The following DNAH9 variants were observed in gnomAD, a reference collection of about 807,000 sequenced individuals.
DNAH9 encodes the protein DNAH9 variant protein.
A neutral mutation model predicts 471.6 loss-of-function variants in DNAH9; 345 were observed. That is an observed-to-expected ratio of 0.73 (90% CI 0.67 to 0.80). The LOEUF (loss-of-function observed/expected upper bound fraction) is 0.80, where lower values mean the gene tolerates loss of function less well. Among genes scored for constraint, DNAH9 ranks in the 30% least tolerant of loss-of-function variants. The pLI, the probability that DNAH9 is intolerant of heterozygous loss-of-function variation, is 0.00. For synonymous variants in DNAH9, 2,093 were observed against 2,123.6 expected (o/e 0.99, Z 0.40); for missense variants, 5,407 against 5,609.2 (o/e 0.96, Z 1.15).
rs372910472 is a variant in DNAH9, at chr17:11,862,929, A to G, written c.9934-6205A>G. Among the ~76,000 whole-genome samples, 1,217 of 151,870 alleles carry G rather than the reference A, an allele frequency of 8.0e-3. 17 individuals carry two copies. Among genetic ancestry groups the G allele is most frequent in the African/African-American group, 0.023 (965 of 41,386 alleles). On this transcript the variant is annotated intron_variant, in intron 50 of 68. Coordinates refer to ENST00000262442, the MANE Select transcript of DNAH9 (RefSeq NM_001372.4). ...CTTAAGGAGATTTTGGGCTGAGACA[A>G]TGGGGTTTTCTAGATATACAATCAT...
chr17:11,871,745 C>A lies in DNAH9; in HGVS notation c.10201C>A (p.Leu3401Ile), dbSNP rs918612005. The A allele has an allele frequency of 1.2e-6, 2 of 1,614,212 alleles. No homozygotes were observed. The highest frequency in any genetic ancestry group is 1.7e-5 in the Admixed American group (1 of 60,024). ...CTTCACAAAGAAATACCGGCAGAGC[C>A]TCCTGGACAGAACTTGGAGGCCCTA... ...GFFTKKYRQSLLDRTWRPYLS... is the reference protein window; with the variant it reads ...GFFTKKYRQSILDRTWRPYLS... Residue 3401 changes from leucine to isoleucine, a missense_variant, in exon 52 of 69, where the codon CTC becomes ATC. Physicochemically the swap from Leu to Ile is conservative, Grantham distance 5. Coordinates refer to ENST00000262442, the MANE Select transcript of DNAH9 (RefSeq NM_001372.4).
chr17:11,866,392 G>T (rs202135050), intron 50 of DNAH9, among the ~76,000 whole-genome samples: 1 of 152,142 alleles, frequency 6.6e-6, no homozygotes, highest in Admixed American at 6.5e-5. Context: ...TTTCTCAGAG[G>T]AGTACCCGGC....
chr17:11,828,473 CAA>C (rs56689551), intron 48 of DNAH9, among the ~76,000 whole-genome samples: 5 of 125,860 alleles, frequency 4.0e-5, no homozygotes, highest in Admixed American at 8.2e-5. Flanking sequence ...AACTCCGTCT[CAA>C]AAAAAAAAAA....
intron 19 of DNAH9, among the ~76,000 whole-genome samples, chr17:11,683,574 A>G (rs1597474421): frequency 6.6e-6 from 1 of 152,136 alleles, no homozygotes; most frequent in East Asian, 1.9e-4. Flanking sequence ...GGGAAACAAC[A>G]TTGGTGTGCT....
intron 62 of DNAH9, among the ~76,000 whole-genome samples, chr17:11,926,035 GAAAAAAAAA>G (rs71142253): frequency 6.7e-5 from 4 of 59,896 alleles, no homozygotes; most frequent in African/African-American, 2.4e-4. Context: ...GAGATTCTCT[GAAAAAAAAA>G]AAAAAAAAAA....
chr17:11,656,564 A>G (rs2073654756), intron 14 of DNAH9, among the ~76,000 whole-genome samples: 1 of 152,184 alleles, frequency 6.6e-6, no homozygotes. Flanking sequence ...ACTGTTGGAT[A>G]TTTGGGTACA....
At chr17:11,873,155 A>G (rs112990423) in intron 52 of DNAH9, among the ~76,000 whole-genome samples, 72 of 152,348 alleles carry the variant, frequency 4.7e-4, no homozygotes, top group African/African-American at 1.5e-3. Flanking sequence ...CAGCTGTTTG[A>G]CTCATCCTAA....
intron 31 of DNAH9, among the ~76,000 whole-genome samples, chr17:11,747,093 A>G (rs1966912133): frequency 6.6e-6 from 1 of 152,220 alleles, no homozygotes. Flanking sequence ...TAGAGTAATA[A>G]GCTGAAAGTT....
chr17:11,817,698 T>A (rs1970150024), intron 45 of DNAH9, among the ~76,000 whole-genome samples: 1 of 152,196 alleles, frequency 6.6e-6, no homozygotes, highest in Admixed American at 6.5e-5. Flanking sequence ...TTCTTAGCGG[T>A]TTTCCTTCAC....
intron 36 of DNAH9, among the ~76,000 whole-genome samples, chr17:11,767,102 C>T (rs78622805): frequency 0.1 from 15,635 of 152,192 alleles, 1,072 homozygotes; most frequent in Non-Finnish European, 0.14. Flanking sequence ...GAAGGTGAGA[C>T]AATGTCGGTG....
At chr17:11,896,799 G>T (rs896670470) in intron 59 of DNAH9, among the ~76,000 whole-genome samples, 1 of 152,168 alleles carries the variant, frequency 6.6e-6, no homozygotes, top group African/African-American at 2.4e-5. Flanking sequence ...TTTTAAAAAT[G>T]GATAAAATTG....
intron 22 of DNAH9, 75 bp downstream of exon 22, chr17:11,694,522 C>G (rs576816980): frequency 5.9e-6 from 9 of 1,515,996 alleles, no homozygotes; most frequent in African/African-American, 5.5e-5. Flanking sequence ...TTCTGGCTCC[C>G]CATCATGCCT....
chr17:11,722,927 C>T (rs1370514551), intron 27 of DNAH9, among the ~76,000 whole-genome samples: 1 of 152,126 alleles, frequency 6.6e-6, no homozygotes, highest in Non-Finnish European at 1.5e-5. Flanking sequence ...ATTTCCAACC[C>T]TCTCTGTAGC....
At chr17:11,646,379 A>T (rs945178466) in intron 11 of DNAH9, among the ~76,000 whole-genome samples, 17 of 152,044 alleles carry the variant, frequency 1.1e-4, no homozygotes, top group African/African-American at 3.6e-4. Flanking sequence ...AACTGCCTTT[A>T]CTGTCAGGTA....
At position 11,669,537 on chromosome 17, in the gene DNAH9, G is replaced by A. The variant is rs778232621; in HGVS notation, c.3096G>A (p.Gly1032=). Residue 1032 remains glycine (G), a synonymous_variant, in exon 17 of 69, where the codon GGG becomes GGA. Transcript: ENST00000262442. ...TTCTGGGTCAGTTTCTGCTGTACGGGCACATCCTCACTCCGGAAGAAATTG... is the reference window on the plus strand; with the variant it reads ...TTCTGGGTCAGTTTCTGCTGTACGGACACATCCTCACTCCGGAAGAAATTG... ...KEVLGQFLLY[G]HILTPEEIED... 1 of 1,614,124 alleles carries A rather than the reference G, an allele frequency of 6.2e-7. No homozygotes were observed. The highest frequency in any genetic ancestry group is 8.5e-7 in the Non-Finnish European group (1 of 1,180,018).
intron 14 of DNAH9, 25 bp from the exon 15 acceptor site, chr17:11,664,808 A>G: frequency 6.2e-7 from 1 of 1,602,888 alleles, no homozygotes; most frequent in South Asian, 1.1e-5. Context: ...AACGAGGTTT[A>G]TATCCTTTCT....
intron 12 of DNAH9, among the ~76,000 whole-genome samples, chr17:11,650,410 T>C (rs1471402540): frequency 6.6e-6 from 1 of 152,216 alleles, no homozygotes; most frequent in Non-Finnish European, 1.5e-5. Context: ...CCTTGGCTTC[T>C]CACTTCTTCA....
rs915927093 is a variant in DNAH9, at chr17:11,626,600, G to A, written c.1351-2817G>A. Among the ~76,000 whole-genome samples the A allele has an allele frequency of 1.1e-4, 17 of 152,100 alleles. No individual in the cohort carries two copies. Among genetic ancestry groups the A allele is most frequent in the African/African-American group, 3.9e-4 (16 of 41,428 alleles). On this transcript the variant is annotated intron_variant, in intron 6 of 68. Coordinates refer to ENST00000262442, the MANE Select transcript of DNAH9 (RefSeq NM_001372.4). This position sits in a 1 kb window ranked among gnomAD's most constrained non-coding sequence, Gnocchi z 4.3. ...CCATTTTTTAGGTCGAAATGATCCC[G>A]TATCAGCAATGTAATAAGTTCAACC...
At position 11,854,445 on chromosome 17, in the gene DNAH9, C is replaced by G. The variant is rs770420504; in HGVS notation, c.9933+17C>G. 1 of 1,599,174 alleles carries G rather than the reference C, an allele frequency of 6.3e-7. No homozygotes were observed. The highest frequency in any genetic ancestry group is 1.1e-5 in the South Asian group (1 of 89,136). ...AAGATCGCTGTGAGTGACCCCAGAG[C>G]CCCTCACCCTGCTAGTCCGCCTCCA... On this transcript the variant is annotated intron_variant, in intron 50 of 68. Transcript: ENST00000262442.
Sources: allele counts gnomAD v4.1 joint callset (sites outside exome capture counted in the v4.1 genomes callset), GRCh38; gene constraint gnomAD v4.1.1; non-coding constraint Gnocchi (gnomAD v3.1); transcripts MANE v1.5; gene names NCBI Gene and HGNC (gene_info 2026-07-23, HGNC 2026-07-21).